Variants in ME1 observed in about 807,000 individuals in gnomAD.
ME1 encodes malic enzyme 1, also known as NADP-dependent malic enzyme.
A neutral mutation model predicts 66.4 loss-of-function variants in ME1; 74 were observed. The ratio of observed to expected loss-of-function variants is 1.11; its 90% CI spans 0.92 to 1.35. The LOEUF (loss-of-function observed/expected upper bound fraction) is 1.35. Among genes scored for constraint, ME1 ranks in the 40% most tolerant of loss-of-function variants. The pLI, the probability that ME1 is intolerant of heterozygous loss-of-function variation, is 0.00. For missense variants in ME1, 750 were observed against 694.1 expected (o/e 1.08, Z -0.90); for synonymous variants, 251 against 235.6 (o/e 1.07, Z -0.60).
intron 7 of ME1, among the ~76,000 whole-genome samples, chr6:83,240,037 A>G (rs1162362563): frequency 6.6e-6 from 1 of 152,092 alleles, no homozygotes; most frequent in African/African-American, 2.4e-5. Flanking sequence ...TAAAAGAGTA[A>G]TAAGTGCTAT....
intron 3 of ME1, among the ~76,000 whole-genome samples, chr6:83,353,555 T>TTG (rs552972210): frequency 9.6e-4 from 145 of 150,690 alleles, no homozygotes; most frequent in Middle Eastern, 3.4e-3. Context: ...GTTGTTGTTG[T>TTG]TGTGTGTGTG....
At chr6:83,397,946 G>A (rs1015806211) in intron 3 of ME1, among the ~76,000 whole-genome samples, 2 of 152,146 alleles carry the variant, frequency 1.3e-5, no homozygotes, top group African/African-American at 4.8e-5. Context: ...GTAGCAAAGA[G>A]AAGAACGGTA....
chr6:83,390,740 G>T (rs1769604420), intron 3 of ME1, among the ~76,000 whole-genome samples: 1 of 151,966 alleles, frequency 6.6e-6, no homozygotes, highest in South Asian at 2.1e-4. Context: ...TTACAGAAAA[G>T]TTGAAAGAAT....
chr6:83,367,392 A>C (rs1185639835), intron 3 of ME1, among the ~76,000 whole-genome samples: 1 of 152,154 alleles, frequency 6.6e-6, no homozygotes, highest in East Asian at 1.9e-4. Context: ...TGTCCTTTGG[A>C]GCTATGAAGC....
intron 3 of ME1, among the ~76,000 whole-genome samples, chr6:83,389,005 G>GT (rs1769568305): frequency 6.6e-6 from 1 of 152,092 alleles, no homozygotes; most frequent in African/African-American, 2.4e-5. Flanking sequence ...TGTAATCCTA[G>GT]CTACTTGGGA....
intron 3 of ME1, among the ~76,000 whole-genome samples, chr6:83,364,700 T>C (rs943298690): frequency 2.0e-5 from 3 of 152,020 alleles, no homozygotes; most frequent in African/African-American, 2.4e-5. Flanking sequence ...TATGTGAATA[T>C]GTGGGTATAT....
chr6:83,327,624 A>C (rs1241526593), intron 5 of ME1, among the ~76,000 whole-genome samples: 1 of 152,178 alleles, frequency 6.6e-6, no homozygotes, highest in Non-Finnish European at 1.5e-5. Context: ...GATGTTATCA[A>C]TGACAATGGT....
At chr6:83,365,129 G>T (rs1769079108) in intron 3 of ME1, among the ~76,000 whole-genome samples, 1 of 152,062 alleles carries the variant, frequency 6.6e-6, no homozygotes, top group South Asian at 2.1e-4. Flanking sequence ...TATCGCTCTT[G>T]TTGCCCAGGC....
At chr6:83,413,250 G>A (rs1370787720) in intron 1 of ME1, among the ~76,000 whole-genome samples, 4 of 152,066 alleles carry the variant, frequency 2.6e-5, no homozygotes, top group Admixed American at 6.5e-5. Flanking sequence ...GAGCTCAAGC[G>A]ATCTGCCTGC....
intron 3 of ME1, among the ~76,000 whole-genome samples, chr6:83,361,493 A>G (rs1769006019): frequency 6.6e-6 from 1 of 152,242 alleles, no homozygotes; most frequent in Admixed American, 6.5e-5. Flanking sequence ...CTGCTGTGCC[A>G]GCTCCTCTGC....
intron 6 of ME1, among the ~76,000 whole-genome samples, 191 bp from the exon 7 acceptor site, chr6:83,253,929 G>A (rs982969166): frequency 6.6e-6 from 1 of 152,146 alleles, no homozygotes; most frequent in Non-Finnish European, 1.5e-5. Flanking sequence ...AAAAGGCATT[G>A]TGTTGGCACT....
intron 11 of ME1, among the ~76,000 whole-genome samples, chr6:83,224,876 T>C (rs1199775381): frequency 6.6e-6 from 1 of 151,914 alleles, no homozygotes; most frequent in African/African-American, 2.4e-5. Flanking sequence ...CATAATTGTT[T>C]TGAGGAATCT....
chr6:83,401,074 C>G (rs1449414648), intron 2 of ME1, among the ~76,000 whole-genome samples: 8 of 152,170 alleles, frequency 5.3e-5, no homozygotes, highest in African/African-American at 1.7e-4. Flanking sequence ...TCCTCTTTAC[C>G]CTGCTCTACC....
chr6:83,339,971 A>T (rs966944257), intron 5 of ME1, among the ~76,000 whole-genome samples: 8 of 126,352 alleles, frequency 6.3e-5, no homozygotes, highest in East Asian at 2.2e-4. Flanking sequence ...AGAGTATAAT[A>T]AAAAAAAAAA....
In ME1 at chr6:83,256,556, G is replaced by A. The variant is rs139489048; in HGVS notation, c.705-2818C>T. On this transcript the variant is annotated intron_variant, in intron 6 of 13. Transcript: ENST00000369705. ...TCAGGAAACAACAGAAGCTGCAAAGGATGTGGAGAAATAGGAACGCTTTTA... is the reference window on the plus strand; with the variant it reads ...TCAGGAAACAACAGAAGCTGCAAAGAATGTGGAGAAATAGGAACGCTTTTA... Among the ~76,000 whole-genome samples the A allele has an allele frequency of 2.0e-5, 3 of 152,266 alleles. No homozygotes were observed. The East Asian group carries it at 5.8e-4, about 29-fold the overall frequency.
intron 1 of ME1, among the ~76,000 whole-genome samples, chr6:83,418,310 G>A (rs755682342): frequency 5.9e-5 from 9 of 152,296 alleles, no homozygotes; most frequent in Middle Eastern, 3.4e-3. Flanking sequence ...AGACCCAAGA[G>A]AGCCAATGGT....
At chr6:83,257,917 G>T (rs1293016252) in intron 6 of ME1, among the ~76,000 whole-genome samples, 2 of 152,146 alleles carry the variant, frequency 1.3e-5, no homozygotes, top group Non-Finnish European at 1.5e-5. Context: ...AGAAGCATTG[G>T]ATGAGCTGTC....
At chr6:83,284,026 C>T (rs745758810) in intron 6 of ME1, among the ~76,000 whole-genome samples, 9 of 151,994 alleles carry the variant, frequency 5.9e-5, no homozygotes, top group Admixed American at 5.2e-4. Flanking sequence ...GAACCAAATA[C>T]GCACAATCAA....
At position 83,407,855 on chromosome 6, in the gene ME1, C is replaced by T. The variant is rs983908132; in HGVS notation, c.125G>A (p.Gly42Glu). The T allele has an allele frequency of 6.2e-7, 1 of 1,613,252 alleles. No individual in the cohort carries two copies. The highest frequency in any genetic ancestry group is 8.5e-7 in the Non-Finnish European group (1 of 1,179,858). Residue 42 changes from glycine (G) to glutamate (E), a missense_variant, in exon 2 of 14, where the codon GGA (glycine) becomes GAA (glutamate). Transcript: ENST00000369705. ...LEERQQLNIH[G>E]LLPPSFNSQE... is the part of the protein sequence containing the mutation. ...ACTGTTGAAGGAAGGTGGCAACAATCCATGAATGTTCAATTGCTGTCTCTC... is the reference window on the plus strand; with the variant it reads ...ACTGTTGAAGGAAGGTGGCAACAATTCATGAATGTTCAATTGCTGTCTCTC...
Sources: allele counts gnomAD v4.1 joint callset (sites outside exome capture counted in the v4.1 genomes callset), GRCh38; gene constraint gnomAD v4.1.1; transcripts MANE v1.5; gene names NCBI Gene and HGNC (gene_info 2026-07-23, HGNC 2026-07-21).